The following PRKG1 variants were observed in gnomAD, a reference collection of about 807,000 sequenced individuals.
PRKG1 encodes the protein protein kinase cGMP-dependent 1.
A neutral mutation model predicts 88.1 loss-of-function variants in PRKG1; 35 were observed. The observed-to-expected ratio is 0.40, with a 90% CI of 0.30 to 0.53. The LOEUF (loss-of-function observed/expected upper bound fraction) is 0.53. Ranked by LOEUF, PRKG1 falls within the 20% of genes least tolerant of loss-of-function variation. PRKG1 has a pLI of 0.59. For missense variants in PRKG1, 540 were observed against 839.8 expected (o/e 0.64, Z 4.41); for synonymous variants, 303 against 292.5 (o/e 1.04, Z -0.37).
rs1363330623 is a variant in PRKG1, at chr10:51,204,944, G to T, written c.478+51614G>T. Among the ~76,000 whole-genome samples, 3 of 151,846 alleles carry T rather than the reference G, an allele frequency of 2.0e-5. 1 individual carries two copies. Among genetic ancestry groups the T allele is most frequent in the South Asian group, 4.2e-4 (2 of 4,808 alleles). On this transcript the variant is annotated intron_variant, in intron 2 of 17. Coordinates refer to ENST00000373980, the MANE Select transcript of PRKG1 (RefSeq NM_006258.4). ...AATGTTGTAACCAAAAGAGGCTATT[G>T]CCATTTCTGAGCATGGTGTGTACTT... is the stretch of plus-strand genomic sequence containing the variant.
chr10:51,674,767 TA>T (rs1213523135), intron 3 of PRKG1, among the ~76,000 whole-genome samples: 8 of 152,318 alleles, frequency 5.3e-5, no homozygotes, highest in Admixed American at 5.2e-4. Context: ...CTAGCATAGC[TA>T]AAATATAATT....
At chr10:51,125,945 A>G (rs1157409754) in intron 1 of PRKG1, among the ~76,000 whole-genome samples, 2 of 131,366 alleles carry the variant, frequency 1.5e-5, no homozygotes, top group Non-Finnish European at 3.1e-5. Flanking sequence ...ATTTATAAAT[A>G]TACAATTTTA....
intron 5 of PRKG1, among the ~76,000 whole-genome samples, chr10:52,048,981 G>A (rs573929833): frequency 3.3e-5 from 5 of 152,208 alleles, no homozygotes; most frequent in Admixed American, 6.6e-5. Context: ...TCCAGGTAAC[G>A]GGGGGAGGAG....
chr10:51,479,248 A>T (rs1840288352), intron 3 of PRKG1, among the ~76,000 whole-genome samples: 1 of 152,000 alleles, frequency 6.6e-6, no homozygotes, highest in African/African-American at 2.4e-5. Context: ...TAATTTTCTG[A>T]TCATAAAAGT....
intron 5 of PRKG1, among the ~76,000 whole-genome samples, chr10:51,934,931 G>C (rs1283859904): frequency 6.6e-6 from 1 of 152,128 alleles, no homozygotes; most frequent in Non-Finnish European, 1.5e-5. Flanking sequence ...GACAGAGAAA[G>C]AAACAGATGA....
At chr10:51,295,261 C>T (rs1207035150) in intron 2 of PRKG1, among the ~76,000 whole-genome samples, 1 of 152,064 alleles carries the variant, frequency 6.6e-6, no homozygotes, top group East Asian at 1.9e-4. Flanking sequence ...TTCTTACAAT[C>T]CATAACCATG....
At chr10:52,280,451 C>T (rs186889602) in intron 12 of PRKG1, among the ~76,000 whole-genome samples, 3 of 152,234 alleles carry the variant, frequency 2.0e-5, no homozygotes, top group Admixed American at 2.0e-4. Flanking sequence ...TTTTTCTCTC[C>T]TGCCTACTTC....
intron 1 of PRKG1, among the ~76,000 whole-genome samples, chr10:51,053,440 T>C (rs1165514447): frequency 3.3e-5 from 5 of 152,156 alleles, no homozygotes; most frequent in East Asian, 1.9e-4. Flanking sequence ...GGGATCTGTA[T>C]GGTTGGCCCT....
chr10:51,886,368 A>G, intron 4 of PRKG1, among the ~76,000 whole-genome samples: 1 of 152,200 alleles, frequency 6.6e-6, no homozygotes, highest in Non-Finnish European at 1.5e-5. Context: ...AATGTAAGCC[A>G]TTTAAAGATA....
intron 8 of PRKG1, among the ~76,000 whole-genome samples, chr10:52,140,589 CTAAT>C: frequency 6.6e-6 from 1 of 152,216 alleles, no homozygotes; most frequent in Non-Finnish European, 1.5e-5. Context: ...TAATAGCTAA[CTAAT>C]TAGAGATTAA....
intron 3 of PRKG1, among the ~76,000 whole-genome samples, chr10:51,627,224 A>G (rs958827026): frequency 6.6e-6 from 1 of 152,164 alleles, no homozygotes; most frequent in Non-Finnish European, 1.5e-5. Context: ...GTAGATACAC[A>G]AAATAACATG....
At chr10:51,454,736 C>T (rs1839534943) in intron 2 of PRKG1, among the ~76,000 whole-genome samples, 1 of 152,156 alleles carries the variant, frequency 6.6e-6, no homozygotes, top group African/African-American at 2.4e-5. Context: ...TAAACTTATT[C>T]ACTACCATGA....
intron 2 of PRKG1, among the ~76,000 whole-genome samples, chr10:51,385,504 G>A (rs2132636860): frequency 6.6e-6 from 1 of 152,256 alleles, no homozygotes; most frequent in African/African-American, 2.4e-5. Flanking sequence ...TTCCTGTGAT[G>A]GACCAAATGT....
At chr10:51,215,940 C>T (rs889331790) in intron 2 of PRKG1, among the ~76,000 whole-genome samples, 1 of 152,162 alleles carries the variant, frequency 6.6e-6, no homozygotes, top group Admixed American at 6.5e-5. Context: ...GAAGACATAA[C>T]ATTAGAGGAG....
chr10:51,926,592 C>T (rs1842582104), intron 5 of PRKG1, among the ~76,000 whole-genome samples: 1 of 152,028 alleles, frequency 6.6e-6, no homozygotes, highest in South Asian at 2.1e-4. Flanking sequence ...AACTGTGCAT[C>T]TGCTTGCCCT....
chr10:51,967,858 A>G (rs917724206), intron 5 of PRKG1, among the ~76,000 whole-genome samples: 15 of 151,976 alleles, frequency 9.9e-5, no homozygotes, highest in African/African-American at 3.6e-4. Flanking sequence ...CAGGACCTCA[A>G]TGTTTTGGTG....
At chr10:52,021,272 T>G (rs1417015124) in intron 5 of PRKG1, among the ~76,000 whole-genome samples, 1 of 152,290 alleles carries the variant, frequency 6.6e-6, no homozygotes, top group African/African-American at 2.4e-5. Context: ...ATGTATGATA[T>G]GTTGCTTTTG....
chr10:51,285,075 T>C (rs1200590518), intron 2 of PRKG1, among the ~76,000 whole-genome samples: 2 of 99,836 alleles, frequency 2.0e-5, no homozygotes, highest in African/African-American at 8.0e-5. Flanking sequence ...GTCCCCAGAG[T>C]GTATATTCCC....
At chr10:51,259,599 G>A (rs1839651237) in intron 2 of PRKG1, among the ~76,000 whole-genome samples, 1 of 152,108 alleles carries the variant, frequency 6.6e-6, no homozygotes, top group Non-Finnish European at 1.5e-5. Flanking sequence ...TCAGCCTCCT[G>A]AGTAGCTGGG....
Sources: gnomAD v4.1 joint callset for allele counts (sites outside exome capture counted in the v4.1 genomes callset) on GRCh38, gnomAD v4.1.1 for gene constraint, MANE v1.5 for transcripts, NCBI Gene and HGNC (gene_info 2026-07-23, HGNC 2026-07-21) for gene names.